The following TTC39B variants were observed in gnomAD, a reference collection of about 807,000 sequenced individuals.
The protein encoded by TTC39B is tetratricopeptide repeat protein 39B.
TTC39B carries 92 observed loss-of-function variants against 96.6 expected under a neutral mutation model. The ratio of observed to expected loss-of-function variants is 0.95; its 90% CI spans 0.80 to 1.13. The LOEUF (loss-of-function observed/expected upper bound fraction) is 1.13. Among genes scored for constraint, TTC39B ranks in the 50% most tolerant of loss-of-function variants. The probability of loss-of-function intolerance (pLI) is 0.00; values close to 1 mark genes in which losing one functional copy is unlikely to be tolerated. For missense variants in TTC39B, 955 were observed against 809.3 expected, an observed-to-expected ratio of 1.18 and a Z score of -2.18; for synonymous variants, 367 against 299.4, an observed-to-expected ratio of 1.23 and a Z score of -2.33.
chr9:15,185,423 C>T lies in TTC39B; in HGVS notation c.1488-17G>A, dbSNP rs1200705593. On this transcript the variant is annotated splice_polypyrimidine_tract_variant and intron_variant, in intron 15 of 19. Coordinates refer to ENST00000512701, the Ensembl canonical transcript of TTC39B. ...TCCACCTGTCTGTGAAGAACCCCAG[C>T]CCAGCCCCAGAGAAAGGTCATGGCA... 25 of 1,612,722 alleles carry T rather than the reference C, an allele frequency of 1.6e-5. No homozygotes were observed. Among genetic ancestry groups the T allele is most frequent in the Middle Eastern group, 1.6e-4 (1 of 6,072 alleles).
At chr9:15,287,697 A>G (rs550432612) in intron 1 of TTC39B, among the ~76,000 whole-genome samples, 126 of 152,190 alleles carry the variant, frequency 8.3e-4, no homozygotes, top group Non-Finnish European at 1.5e-3. Context: ...GGAAAAAAAA[A>G]TGATTCTTTC....
rs546303294 is a variant in TTC39B at position 15,180,826 on chromosome 9, A to G, written c.1723+1481T>C. On this transcript the variant is annotated intron_variant, in intron 17 of 19. Transcript: ENST00000512701. The stretch of plus-strand genomic sequence containing the variant: ...AAAAGAAGTCCTAGAAGAGGTCATC[A>G]TAAGTTTCACATGAAATATCTGGCA... Among the ~76,000 whole-genome samples the G allele has an allele frequency of 1.3e-4, 20 of 152,354 alleles. No individual in the cohort carries two copies. The East Asian group carries it at 1.5e-3, about 12-fold the overall frequency.
chr9:15,219,109 G>A (rs1820695793), intron 3 of TTC39B, among the ~76,000 whole-genome samples: 1 of 152,120 alleles, frequency 6.6e-6, no homozygotes, highest in African/African-American at 2.4e-5. Flanking sequence ...TAAGAACAAA[G>A]GAAAAGTCTT....
chr9:15,209,248 C>G (rs1186938520), intron 6 of TTC39B, among the ~76,000 whole-genome samples: 1 of 151,956 alleles, frequency 6.6e-6, no homozygotes, highest in Non-Finnish European at 1.5e-5. Flanking sequence ...AAAGACAGAA[C>G]TGATCATGAA....
intron 2 of TTC39B, among the ~76,000 whole-genome samples, chr9:15,229,838 CT>C (rs1306130081): frequency 6.6e-6 from 1 of 152,126 alleles, no homozygotes; most frequent in East Asian, 1.9e-4. Context: ...ATTAAACACT[CT>C]TTTTGTGGGG....
intron 2 of TTC39B, among the ~76,000 whole-genome samples, chr9:15,237,870 C>G (rs1821858574): frequency 6.6e-6 from 1 of 152,112 alleles, no homozygotes. Context: ...CTGAGGAACA[C>G]AGATGCAAAA....
chr9:15,252,088 C>G (rs923447130), intron 2 of TTC39B, among the ~76,000 whole-genome samples: 1 of 152,080 alleles, frequency 6.6e-6, no homozygotes, highest in Non-Finnish European at 1.5e-5. Flanking sequence ...ATGAAAAGAC[C>G]TGGTGTTGTG....
chr9:15,203,044 G>A (rs949350955), intron 7 of TTC39B, among the ~76,000 whole-genome samples: 4 of 151,914 alleles, frequency 2.6e-5, no homozygotes, highest in African/African-American at 9.7e-5. Flanking sequence ...TAGAAAGAAG[G>A]GGAAAAATAA....
At chr9:15,187,823 G>A in intron 14 of TTC39B, 148 bp downstream of exon 14, 2 of 764,980 alleles carry the variant, frequency 2.6e-6, no homozygotes, top group Middle Eastern at 6.8e-4. Context: ...ATAAATAGTG[G>A]GTACTTAAGG....
chr9:15,303,752 C>A (rs1239764975), intron 1 of TTC39B, among the ~76,000 whole-genome samples: 2 of 151,924 alleles, frequency 1.3e-5, no homozygotes, highest in African/African-American at 4.8e-5. Flanking sequence ...CTGCCTCAGC[C>A]TCCCAAGTAG....
At chr9:15,222,469 T>A (rs1229492024) in intron 3 of TTC39B, among the ~76,000 whole-genome samples, 1 of 152,196 alleles carries the variant, frequency 6.6e-6, no homozygotes, top group Non-Finnish European at 1.5e-5. Context: ...TCCTACATTC[T>A]TTACTAACCA....
At chr9:15,216,005 T>C (rs117795719) in intron 3 of TTC39B, among the ~76,000 whole-genome samples, 2,918 of 152,362 alleles carry the variant, frequency 0.019, 40 homozygotes, top group South Asian at 0.038. Flanking sequence ...GTGACTCTTC[T>C]AGCACGAATA....
exon 20 of TTC39B, chr9:15,169,900 T>C (rs1435822666): frequency 1.3e-5 from 2 of 152,160 alleles, no homozygotes; most frequent in Non-Finnish European, 2.9e-5. Context: ...AATTTGTTAC[T>C]GACTTGCAGC....
intron 3 of TTC39B, chr9:15,224,505 T>C (rs142551867): frequency 1.3e-5 from 2 of 152,294 alleles, no homozygotes; most frequent in African/African-American, 4.8e-5. Flanking sequence ...GTTATGGCTC[T>C]CTGGGAAATA....
At chr9:15,252,007 G>C (rs1822579078) in intron 2 of TTC39B, among the ~76,000 whole-genome samples, 1 of 151,868 alleles carries the variant, frequency 6.6e-6, no homozygotes, top group Non-Finnish European at 1.5e-5. Flanking sequence ...TGGGGAGCCA[G>C]ATATTCACCA....
chr9:15,270,173 GA>G (rs771648676), intron 1 of TTC39B, among the ~76,000 whole-genome samples: 216 of 141,792 alleles, frequency 1.5e-3, no homozygotes, highest in Admixed American at 1.5e-3. Context: ...CCATCTCAAG[GA>G]AAAAAAAAAA....
intron 2 of TTC39B, among the ~76,000 whole-genome samples, chr9:15,261,887 A>G (rs1822959812): frequency 6.6e-6 from 1 of 152,230 alleles, no homozygotes; most frequent in Non-Finnish European, 1.5e-5. Flanking sequence ...CACTGAGAAA[A>G]GGGACACTCC....
At chr9:15,266,239 A>G (rs1228564068) in intron 2 of TTC39B, among the ~76,000 whole-genome samples, 1 of 152,122 alleles carries the variant, frequency 6.6e-6, no homozygotes, top group African/African-American at 2.4e-5. Flanking sequence ...TCCCAATCAC[A>G]ATTAAGTTTT....
chr9:15,175,019 C>G, exon 19 of TTC39B: 1 of 1,610,080 alleles, frequency 6.2e-7, no homozygotes, highest in Non-Finnish European at 8.5e-7. Flanking sequence ...CAACACTTAC[C>G]TTGCAGTTTC....
Sources: gnomAD v4.1 joint callset for allele counts (sites outside exome capture counted in the v4.1 genomes callset) on GRCh38, gnomAD v4.1.1 for gene constraint, MANE v1.5 for transcripts, NCBI Gene and HGNC (gene_info 2026-07-23, HGNC 2026-07-21) for gene names.